Variants in SH3BP5 observed in about 807,000 individuals in gnomAD.
SH3BP5 encodes SH3 domain binding protein 5.
In SH3BP5, 22 loss-of-function variants were observed where a neutral mutation model predicts 43.3. The ratio of observed to expected loss-of-function variants is 0.51; its 90% CI spans 0.36 to 0.73. SH3BP5 has a LOEUF of 0.73. Among genes scored for constraint, SH3BP5 ranks in the 30% least tolerant of loss-of-function variants. The pLI, the probability that SH3BP5 is intolerant of heterozygous loss-of-function variation, is 0.00. For missense variants in SH3BP5, 529 were observed against 586.9 expected, an observed-to-expected ratio of 0.90 and a Z score of 1.02; for synonymous variants, 255 against 225.8, an observed-to-expected ratio of 1.13 and a Z score of -1.16.
chr3:15,259,593 C>G, intron 6 of SH3BP5, 168 bp downstream of exon 6: 1 of 755,328 alleles, frequency 1.3e-6, no homozygotes. Flanking sequence ...GTTCAGAGAC[C>G]ACTGAAGACC....
At chr3:15,278,994 AC>A (rs1418124357) in intron 3 of SH3BP5, among the ~76,000 whole-genome samples, 1 of 152,104 alleles carries the variant, frequency 6.6e-6, no homozygotes, top group Non-Finnish European at 1.5e-5. Context: ...ACATGGCGAA[AC>A]CCCATCTCTA....
chr3:15,306,322 G>A (rs1403559115), intron 2 of SH3BP5, among the ~76,000 whole-genome samples: 2 of 152,172 alleles, frequency 1.3e-5, no homozygotes, highest in Admixed American at 1.3e-4. Context: ...TCGCGCCACT[G>A]CACTCCAGCC....
At chr3:15,327,384 C>T (rs1326846788) in intron 2 of SH3BP5, among the ~76,000 whole-genome samples, 1 of 151,924 alleles carries the variant, frequency 6.6e-6, no homozygotes, top group Non-Finnish European at 1.5e-5. Context: ...TGGGCGACAG[C>T]GTGAGACTCC....
intron 2 of SH3BP5, among the ~76,000 whole-genome samples, chr3:15,322,890 C>G (rs1032167293): frequency 1.3e-5 from 2 of 152,116 alleles, no homozygotes; most frequent in African/African-American, 4.8e-5. Flanking sequence ...GCCTGTAATA[C>G]TAGCACTTTG....
rs750515391 is a variant in SH3BP5 at position 15,258,852 on chromosome 3, G to A, written c.868C>T (p.Pro290Ser). The change falls in exon 7 of 9, where the codon CCT (proline) becomes TCT (serine). Residue 290 changes from proline (P) to serine (S), a missense_variant. Transcript: ENST00000383791. Reference protein sequence around the residue: ...TSVEDLPGSKPEPDAISVASE... With the variant: ...TSVEDLPGSKSEPDAISVASE... Reference sequence around the variant, plus strand: ...TTACCAGAAATGGCATCAGGCTCAGGTTTGCTCCCTGGCAGATCCTCCACA... The same window carrying A: ...TTACCAGAAATGGCATCAGGCTCAGATTTGCTCCCTGGCAGATCCTCCACA... 1 of 1,614,084 alleles carries A rather than the reference G, an allele frequency of 6.2e-7. No homozygotes were observed. Among genetic ancestry groups the A allele is most frequent in the Admixed American group, 1.7e-5 (1 of 60,030 alleles).
intron 3 of SH3BP5, among the ~76,000 whole-genome samples, chr3:15,279,192 A>C (rs995058103): frequency 2.0e-5 from 3 of 152,194 alleles, no homozygotes; most frequent in Admixed American, 2.0e-4. Context: ...CAAACAAAAA[A>C]AAAGATCTAA....
chr3:15,301,982 G>A (rs9816807), intron 3 of SH3BP5, among the ~76,000 whole-genome samples: 3,336 of 152,196 alleles, frequency 0.022, 113 homozygotes, highest in African/African-American at 0.074. Context: ...TAATAGATAC[G>A]CGTGGGCTAA....
chr3:15,276,952 A>ATT (rs542303924), intron 3 of SH3BP5, among the ~76,000 whole-genome samples: 6 of 147,924 alleles, frequency 4.1e-5, no homozygotes, highest in African/African-American at 1.5e-4. Flanking sequence ...TTCATTCTAA[A>ATT]TTTTTTTTTT....
intron 3 of SH3BP5, among the ~76,000 whole-genome samples, chr3:15,270,506 A>G (rs2125064926): frequency 6.6e-6 from 1 of 152,298 alleles, no homozygotes; most frequent in Middle Eastern, 3.4e-3. Flanking sequence ...AGGCAAAGAG[A>G]AGGACCTAAT....
chr3:15,329,600 T>C (rs190319015), intron 2 of SH3BP5, among the ~76,000 whole-genome samples: 1 of 152,290 alleles, frequency 6.6e-6, no homozygotes, highest in Admixed American at 6.5e-5. Flanking sequence ...TGAATCCTGG[T>C]AGATTATATT....
chr3:15,314,759 T>C (rs1441984926), intron 2 of SH3BP5, among the ~76,000 whole-genome samples: 1 of 152,176 alleles, frequency 6.6e-6, no homozygotes, highest in African/African-American at 2.4e-5. Context: ...TACTAGGATC[T>C]TCAAGTTGGG....
chr3:15,309,284 C>G (rs28394046), intron 2 of SH3BP5, among the ~76,000 whole-genome samples: 1 of 151,978 alleles, frequency 6.6e-6, no homozygotes, highest in Non-Finnish European at 1.5e-5. Flanking sequence ...TAGTATAGGG[C>G]TTTTTGTTTG....
intron 3 of SH3BP5, among the ~76,000 whole-genome samples, chr3:15,302,132 C>T (rs1266637537): frequency 2.6e-5 from 4 of 152,138 alleles, no homozygotes; most frequent in African/African-American, 7.2e-5. Flanking sequence ...TCCATACTTC[C>T]GTTTCAGGTC....
At chr3:15,273,980 C>T (rs1297277040) in intron 3 of SH3BP5, among the ~76,000 whole-genome samples, 2 of 152,258 alleles carry the variant, frequency 1.3e-5, no homozygotes, top group Admixed American at 6.5e-5. Context: ...TGGTGGCTCA[C>T]GCCTGGAATC....
At chr3:15,272,122 A>T (rs907142752) in intron 3 of SH3BP5, among the ~76,000 whole-genome samples, 1 of 152,194 alleles carries the variant, frequency 6.6e-6, no homozygotes. Context: ...CAGAAACCAC[A>T]GGCTGAGGAC....
intron 4 of SH3BP5, among the ~76,000 whole-genome samples, chr3:15,264,716 A>C (rs989166381): frequency 6.6e-6 from 1 of 152,180 alleles, no homozygotes; most frequent in African/African-American, 2.4e-5. Flanking sequence ...TTCCAAAACC[A>C]GATATTTCAC....
At chr3:15,290,915 G>C (rs1033910784) in intron 3 of SH3BP5, among the ~76,000 whole-genome samples, 3 of 151,996 alleles carry the variant, frequency 2.0e-5, no homozygotes, top group Non-Finnish European at 4.4e-5. Flanking sequence ...ACTGGTGGGA[G>C]GCAGAAACAG....
chr3:15,313,563 T>C (rs535298640), intron 2 of SH3BP5, among the ~76,000 whole-genome samples: 11 of 152,356 alleles, frequency 7.2e-5, no homozygotes, highest in Admixed American at 7.2e-4. Context: ...ATACAAATCA[T>C]GCTTTCTTTT....
At chr3:15,272,802 C>A (rs1696854261) in intron 3 of SH3BP5, among the ~76,000 whole-genome samples, 1 of 152,194 alleles carries the variant, frequency 6.6e-6, no homozygotes, top group Non-Finnish European at 1.5e-5. Context: ...AACCTTCAAC[C>A]AAAGTGGCCC....
Sources: allele counts gnomAD v4.1 joint callset (sites outside exome capture counted in the v4.1 genomes callset), GRCh38; gene constraint gnomAD v4.1.1; transcripts MANE v1.5; gene names NCBI Gene and HGNC (gene_info 2026-07-23, HGNC 2026-07-21).